Variants in SVOP observed in about 807,000 individuals in gnomAD.
SVOP encodes the protein synaptic vesicle 2-related protein.
SVOP carries 17 observed loss-of-function variants against 69.1 expected under a neutral mutation model. The observed-to-expected ratio is 0.25, with a 90% CI of 0.17 to 0.37. The LOEUF (loss-of-function observed/expected upper bound fraction) is 0.37. Ranked by LOEUF, SVOP falls within the 10% of genes least tolerant of loss-of-function variation. SVOP has a pLI of 1.00. For synonymous variants in SVOP, 238 were observed against 238.6 expected (o/e 1.00, Z 0.02); for missense variants, 435 against 597.5 (o/e 0.73, Z 2.84).
Position 108,912,281 on chromosome 12 carries a change from C to T in SVOP, c.*254G>A, listed in dbSNP as rs2039689034. On this transcript the variant is annotated 3_prime_UTR_variant, in exon 16 of 16. Transcript: ENST00000610966. ...GACCCTCCTAATATGGGTAGTCTTC[C>T]CATGTAGATCCACAGGTTATGAACA... 13 of 1,374,366 alleles carry T rather than the reference C, an allele frequency of 9.5e-6. No homozygotes were observed. Among genetic ancestry groups the T allele is most frequent in the Non-Finnish European group, 1.2e-5 (13 of 1,064,922 alleles). The allele number at this position is 1,374,366 out of a possible 1,614,324, so 85.1% of individuals were successfully genotyped here.
chr12:108,998,813 G>A lies in SVOP; in HGVS notation c.36-15052C>T, dbSNP rs1260345063. 9.3e-5 allele frequency among the ~76,000 whole-genome samples: 14 copies of A among 150,962 alleles called. No individual in the cohort carries two copies. In the East Asian group the frequency reaches 1.6e-3, roughly 17 times the overall value. ...CCCTAAAAGAGCTCCTGAAGGAAGCGCTAAACATGGAAAGGAACAACCGGT... is the reference window on the plus strand; with the variant it reads ...CCCTAAAAGAGCTCCTGAAGGAAGCACTAAACATGGAAAGGAACAACCGGT... On this transcript the variant is annotated intron_variant, in intron 1 of 15. Transcript: ENST00000610966.
intron 6 of SVOP, among the ~76,000 whole-genome samples, chr12:108,960,660 A>G (rs1169971695): frequency 6.6e-6 from 1 of 152,216 alleles, no homozygotes; most frequent in Non-Finnish European, 1.5e-5. Flanking sequence ...CAAGTGGAAC[A>G]GTCAATCAAT....
At chr12:108,921,751 C>T (rs561753903) in intron 12 of SVOP, among the ~76,000 whole-genome samples, 2 of 152,254 alleles carry the variant, frequency 1.3e-5, no homozygotes, top group South Asian at 2.1e-4. Context: ...AGAATCCTAG[C>T]AGTTGCAAGT....
chr12:108,974,190 G>A (rs569031443), intron 4 of SVOP, among the ~76,000 whole-genome samples: 3 of 152,198 alleles, frequency 2.0e-5, no homozygotes, highest in East Asian at 3.9e-4. Flanking sequence ...TGACAAATAG[G>A]AACAGACCTG....
At chr12:109,000,061 G>A (rs988398152) in intron 1 of SVOP, among the ~76,000 whole-genome samples, 45 of 151,852 alleles carry the variant, frequency 3.0e-4, no homozygotes, top group Admixed American at 2.4e-3. Context: ...TTGATAGACC[G>A]CTAGCAAGAC....
chr12:108,944,698 G>T (rs886189339), intron 7 of SVOP, among the ~76,000 whole-genome samples: 1 of 152,074 alleles, frequency 6.6e-6, no homozygotes. Context: ...GCAGCCTATA[G>T]GCCACAGAAA....
At chr12:109,006,253 A>G (rs1013219943) in intron 1 of SVOP, among the ~76,000 whole-genome samples, 1 of 152,116 alleles carries the variant, frequency 6.6e-6, no homozygotes, top group African/African-American at 2.4e-5. Context: ...GGGTTTCACC[A>G]TGTTGGCCAG....
intron 1 of SVOP, among the ~76,000 whole-genome samples, chr12:109,004,214 C>T (rs1411633944): frequency 6.6e-6 from 1 of 151,950 alleles, no homozygotes; most frequent in Non-Finnish European, 1.5e-5. Flanking sequence ...CAATCTCTTG[C>T]CATTTGTTGT....
At chr12:108,961,801 A>C (rs905892681) in intron 5 of SVOP, among the ~76,000 whole-genome samples, 1 of 152,238 alleles carries the variant, frequency 6.6e-6, no homozygotes, top group Non-Finnish European at 1.5e-5. Flanking sequence ...GCATATTAAA[A>C]ATAAATTTTA....
chr12:108,937,272 C>A lies in SVOP; in HGVS notation c.963G>T (p.Trp321Cys), dbSNP rs758978625. The A allele has an allele frequency of 3.1e-6, 5 of 1,613,812 alleles. No homozygotes were observed. The highest frequency in any genetic ancestry group is 1.3e-5 in the African/African-American group (1 of 74,908). Reference sequence around the variant, plus strand: ...CAACAAACAGCTCTTACCATATAAACCACAGCAGCAAAGTTGTCCATCTAA... The same window carrying A: ...CAACAAACAGCTCTTACCATATAAAACACAGCAGCAAAGTTGTCCATCTAA... Reference protein sequence around the residue: ...PHFRWTTLLLWFIWFSNAFSY... With the variant: ...PHFRWTTLLLCFIWFSNAFSY... The change falls in exon 10 of 16, where the codon TGG becomes TGT. Residue 321 changes from tryptophan (W) to cysteine (C), a missense_variant. By Grantham distance (215) the Trp-to-Cys change is radical (BLOSUM62 -2). Coordinates refer to ENST00000610966, the MANE Select transcript of SVOP (RefSeq NM_018711.5).
Position 108,912,205 on chromosome 12 carries a change from G to T in SVOP, c.*330C>A. The T allele has an allele frequency of 4.2e-6, 5 of 1,187,214 alleles. No homozygotes were observed. Among genetic ancestry groups the T allele is most frequent in the Non-Finnish European group, 2.1e-6 (2 of 953,548 alleles). The allele number at this position is 1,187,214 out of a possible 1,614,324, so 73.5% of individuals were successfully genotyped here. A position where few individuals can be genotyped will look rare whatever the true frequency, so the allele number is the denominator to read the frequency against. On this transcript the variant is annotated 3_prime_UTR_variant, in exon 16 of 16. Transcript: ENST00000610966. ...AGAGATATTTTGGTTGTTCACTGAG[G>T]GTTTGGCCGGGTGACTCTGGGTGGT...
chr12:109,009,107 G>A (rs1463574845), intron 1 of SVOP, among the ~76,000 whole-genome samples: 7 of 150,132 alleles, frequency 4.7e-5, no homozygotes, highest in Admixed American at 2.7e-4. Context: ...GATTACAGGC[G>A]CGAGCCACAA....
At chr12:108,971,428 CAAAA>C (rs563114992) in intron 5 of SVOP, among the ~76,000 whole-genome samples, 5 of 142,686 alleles carry the variant, frequency 3.5e-5, no homozygotes, top group East Asian at 2.0e-4. Flanking sequence ...GACTCCGTCT[CAAAA>C]AAAAAAAAAA....
Position 109,013,668 on chromosome 12 carries a change from G to A in SVOP, c.35+7166C>T, listed in dbSNP as rs956497291. ...GCCTCCCAAAGTGCTGGGATTACAG[G>A]CGTGAGCCACTGCACCCAGCCCAAT... On this transcript the variant is annotated intron_variant, in intron 1 of 15. Coordinates refer to ENST00000610966, the MANE Select transcript of SVOP (RefSeq NM_018711.5). 2.0e-5 allele frequency among the ~76,000 whole-genome samples: 3 copies of A among 152,120 alleles called. No individual in the cohort carries two copies. The East Asian group carries it at 5.8e-4, about 29-fold the overall frequency.
At chr12:108,939,666 G>C (rs1423517220) in intron 8 of SVOP, among the ~76,000 whole-genome samples, 1 of 152,196 alleles carries the variant, frequency 6.6e-6, no homozygotes, top group Non-Finnish European at 1.5e-5. Flanking sequence ...TCAATAAAAA[G>C]AGGATATAGC....
chr12:108,961,066 C>T lies in SVOP; in HGVS notation c.454-19G>A, dbSNP rs376667511. The T allele has an allele frequency of 3.5e-4, 540 of 1,531,394 alleles. 8 individuals are homozygous for T. The African/African-American group carries it at 6.3e-3, about 18-fold the overall frequency. The allele number at this position is 1,531,394 out of a possible 1,614,324, so 94.9% of individuals were successfully genotyped here. On this transcript the variant is annotated intron_variant, in intron 5 of 15. Coordinates refer to ENST00000610966, the MANE Select transcript of SVOP (RefSeq NM_018711.5). ...TCAGCCCCTGAAGAGAAGGAAGACA[C>T]GGAATCACAAGGGCTTTTCAGCACC... is the stretch of plus-strand genomic sequence containing the variant.
intron 6 of SVOP, among the ~76,000 whole-genome samples, chr12:108,950,655 G>T (rs2039949376): frequency 6.6e-6 from 1 of 151,052 alleles, no homozygotes; most frequent in Non-Finnish European, 1.5e-5. Flanking sequence ...GAAGTGCTGG[G>T]ATTGCAGGCA....
intron 1 of SVOP, among the ~76,000 whole-genome samples, chr12:109,015,643 A>AAAAAAATGC (rs111795303): frequency 0.94 from 142,838 of 151,726 alleles, 67,842 homozygotes; most frequent in Non-Finnish European, 1. Flanking sequence ...CCATCTCTAT[A>AAAAAAATGC]AAAAATTAGC....
intron 13 of SVOP, among the ~76,000 whole-genome samples, chr12:108,918,776 C>CAT (rs754961910): frequency 6.6e-6 from 1 of 152,114 alleles, no homozygotes; most frequent in Non-Finnish European, 1.5e-5. Flanking sequence ...ACAGTTTTAA[C>CAT]ATATATATAA....
Sources: gnomAD v4.1 joint callset for allele counts (sites outside exome capture counted in the v4.1 genomes callset) on GRCh38, gnomAD v4.1.1 for gene constraint, MANE v1.5 for transcripts, NCBI Gene and HGNC (gene_info 2026-07-23, HGNC 2026-07-21) for gene names.